Variants in C12orf42 observed in about 807,000 individuals in gnomAD.
C12orf42 encodes the protein uncharacterized protein C12orf42.
C12orf42 carries 25 observed loss-of-function variants against 21.6 expected under a neutral mutation model. The observed-to-expected ratio is 1.16, with a 90% CI of 0.84 to 1.62. The LOEUF is 1.62. Ranked by LOEUF, C12orf42 falls within the 40% of genes most tolerant of loss-of-function variation. The pLI, the probability that C12orf42 is intolerant of heterozygous loss-of-function variation, is 0.00. For missense variants in C12orf42, 483 were observed against 459.3 expected (o/e 1.05, Z -0.47); for synonymous variants, 174 against 175.0 (o/e 0.99, Z 0.05).
the C12orf42 span, among the ~76,000 whole-genome samples, chr12:103,106,400 A>G: frequency 6.6e-6 from 1 of 152,100 alleles, no homozygotes; most frequent in Non-Finnish European, 1.5e-5. Flanking sequence ...ATAGAATAAA[A>G]ATAAAATAAA....
chr12:103,355,487 T>C lies in C12orf42; in HGVS notation c.259+13400A>G, dbSNP rs2043462656. Reference sequence around the variant, plus strand: ...AGGAAGATGATCATTTCTACAACATTCTGCTTGTTGACCATCCAGGTTCTC... The same window carrying C: ...AGGAAGATGATCATTTCTACAACATCCTGCTTGTTGACCATCCAGGTTCTC... On this transcript the variant is annotated intron_variant, in intron 4 of 5. Coordinates refer to ENST00000548883, the MANE Select transcript of C12orf42 (RefSeq NM_198521.5). Among the ~76,000 whole-genome samples the C allele has an allele frequency of 1.3e-5, 2 of 152,126 alleles. 1 individual carries two copies. The highest frequency in any genetic ancestry group is 1.3e-4 in the Admixed American group (2 of 15,250).
the C12orf42 span, among the ~76,000 whole-genome samples, chr12:103,088,116 C>G: frequency 6.6e-6 from 1 of 152,118 alleles, no homozygotes; most frequent in African/African-American, 2.4e-5. Flanking sequence ...ACAAACAGAT[C>G]AAATTTTTCC....
the C12orf42 span, among the ~76,000 whole-genome samples, chr12:103,076,141 G>A: frequency 1.3e-5 from 2 of 152,132 alleles, no homozygotes; most frequent in Admixed American, 1.3e-4. Flanking sequence ...TAGAAGATGG[G>A]TTGATGGGTG....
At chr12:103,255,834 G>A (rs1276464027) in intron 10 of C12orf42, among the ~76,000 whole-genome samples, 7 of 150,544 alleles carry the variant, frequency 4.6e-5, no homozygotes, top group Non-Finnish European at 1.0e-4. Flanking sequence ...GGTGGATCAC[G>A]AGGTCAGGAG....
the C12orf42 span, among the ~76,000 whole-genome samples, chr12:103,065,735 T>C: frequency 1.3e-5 from 2 of 152,192 alleles, no homozygotes; most frequent in South Asian, 2.1e-4. Flanking sequence ...AGATATTCCT[T>C]CTAAGGTGAA....
chr12:103,262,134 A>T (rs1327235642), intron 10 of C12orf42: 1 of 152,244 alleles, frequency 6.6e-6, no homozygotes, highest in African/African-American at 2.4e-5. Flanking sequence ...ACTTTAATTA[A>T]GAGAAATAAA....
the C12orf42 span, among the ~76,000 whole-genome samples, chr12:103,555,163 C>T: frequency 6.6e-6 from 1 of 152,052 alleles, no homozygotes; most frequent in East Asian, 1.9e-4. Context: ...GTGTATTAGT[C>T]CATTTCCATG....
At chr12:103,401,738 A>T (rs1460895396) in intron 2 of C12orf42, 63 bp from the exon 3 acceptor site, 1 of 1,483,538 alleles carries the variant, frequency 6.7e-7, no homozygotes, top group African/African-American at 1.4e-5. Context: ...AAACATTTCC[A>T]TTCCTGAGAT....
the C12orf42 span, among the ~76,000 whole-genome samples, chr12:103,131,032 A>G: frequency 6.6e-6 from 1 of 152,252 alleles, no homozygotes; most frequent in East Asian, 1.9e-4. Context: ...TCTGAAGCAA[A>G]GTCAGAATCC....
intron 4 of C12orf42, among the ~76,000 whole-genome samples, chr12:103,288,305 T>C (rs891820697): frequency 4.6e-5 from 7 of 152,188 alleles, no homozygotes; most frequent in African/African-American, 1.7e-4. Flanking sequence ...AAATCTCAGT[T>C]GATTTTTCAT....
the C12orf42 span, among the ~76,000 whole-genome samples, chr12:103,133,865 C>T: frequency 6.6e-6 from 1 of 152,170 alleles, no homozygotes; most frequent in South Asian, 2.1e-4. Context: ...TAAGGGGCTT[C>T]CCCCTTCACT....
chr12:103,104,505 A>G, the C12orf42 span, among the ~76,000 whole-genome samples: 10 of 152,284 alleles, frequency 6.6e-5, no homozygotes, highest in South Asian at 2.1e-3. Flanking sequence ...CAGTGGCACA[A>G]TCTCAGCTCT....
chr12:103,265,555 C>T (rs2035123729), downstream of C12orf42, among the ~76,000 whole-genome samples: 1 of 152,090 alleles, frequency 6.6e-6, no homozygotes, highest in Non-Finnish European at 1.5e-5. Flanking sequence ...GCTTTTCATT[C>T]GATGCTCAAA....
rs201428492 is a variant in C12orf42 at position 103,302,563 on chromosome 12, G to A, written c.632-4C>T. ...GTGGAAGGTCTGGCGGCAGAACCTG[G>A]AAGGCAAAGCAGGAAAGCAGGACAG... On this transcript the variant is annotated splice_region_variant and splice_polypyrimidine_tract_variant and intron_variant, in intron 5 of 5. Coordinates refer to ENST00000548883, the MANE Select transcript of C12orf42 (RefSeq NM_198521.5). 2.5e-6 allele frequency: 4 copies of A among 1,601,236 alleles called. No homozygotes were observed. Among genetic ancestry groups the A allele is most frequent in the African/African-American group, 1.3e-5 (1 of 74,492 alleles).
At chr12:103,449,773 C>A (rs980139147) in intron 2 of C12orf42, among the ~76,000 whole-genome samples, 3 of 150,122 alleles carry the variant, frequency 2.0e-5, no homozygotes, top group Non-Finnish European at 4.4e-5. Context: ...GTTCTCCCAT[C>A]TAAACTTTAG....
the C12orf42 span, among the ~76,000 whole-genome samples, chr12:103,511,764 C>T: frequency 0.014 from 2,162 of 152,272 alleles, 50 homozygotes; most frequent in African/African-American, 0.048. Context: ...GATTTGATAC[C>T]TCTTCAAACT....
chr12:103,232,010 G>C, the C12orf42 span, among the ~76,000 whole-genome samples: 1 of 152,196 alleles, frequency 6.6e-6, no homozygotes, highest in Non-Finnish European at 1.5e-5. Context: ...CATTCTAATA[G>C]GTGTGTAGTG....
At chr12:103,437,502 C>T (rs925783515) in intron 2 of C12orf42, among the ~76,000 whole-genome samples, 8 of 151,834 alleles carry the variant, frequency 5.3e-5, no homozygotes, top group African/African-American at 1.5e-4. Flanking sequence ...ATTGATAGAC[C>T]GCTAGCAAGG....
intron 10 of C12orf42, among the ~76,000 whole-genome samples, chr12:103,246,394 TA>T (rs1565992481): frequency 6.6e-6 from 1 of 152,066 alleles, no homozygotes. Flanking sequence ...TACCATACAT[TA>T]ATTTACCTCT....
Sources: gnomAD v4.1 joint callset for allele counts (sites outside exome capture counted in the v4.1 genomes callset) on GRCh38, gnomAD v4.1.1 for gene constraint, MANE v1.5 for transcripts, NCBI Gene and HGNC (gene_info 2026-07-23, HGNC 2026-07-21) for gene names.